Variants in TMEM144 observed in about 807,000 individuals in gnomAD.
TMEM144 encodes the protein transmembrane protein 144.
TMEM144 carries 39 observed loss-of-function variants against 43.6 expected under a neutral mutation model. That is an observed-to-expected ratio of 0.90 (90% confidence interval 0.69 to 1.17). The LOEUF is 1.17. Among genes scored for constraint, TMEM144 ranks in the 50% most tolerant of loss-of-function variants. The pLI is 0.00. For synonymous variants in TMEM144, 154 were observed against 133.6 expected, an observed-to-expected ratio of 1.15 and a Z score of -1.06; for missense variants, 417 against 411.9, an observed-to-expected ratio of 1.01 and a Z score of -0.11.
intron 12 of TMEM144, among the ~76,000 whole-genome samples, chr4:158,251,777 C>A (rs890901811): frequency 6.6e-6 from 1 of 152,122 alleles, no homozygotes; most frequent in African/African-American, 2.4e-5. Context: ...ATATTCCACC[C>A]CTCGGCTAAA....
At chr4:158,228,919 A>G (rs982582124) in intron 6 of TMEM144, among the ~76,000 whole-genome samples, 1 of 152,070 alleles carries the variant, frequency 6.6e-6, no homozygotes, top group East Asian at 1.9e-4. Context: ...GGTCCGCGTG[A>G]GAGGGTCGTG....
chr4:158,253,766 G>A lies in TMEM144; in HGVS notation c.*239G>A. Reference sequence around the variant, plus strand: ...GTTTATGAAGGTAGTACTTTACTGGGTGACTAAAATGTCTACATTATTATA... The same window carrying A: ...GTTTATGAAGGTAGTACTTTACTGGATGACTAAAATGTCTACATTATTATA... On this transcript the variant is annotated 3_prime_UTR_variant, in exon 13 of 13. Transcript: ENST00000296529. 2 of 477,026 alleles carry A rather than the reference G, an allele frequency of 4.2e-6. No homozygotes were observed. The highest frequency in any genetic ancestry group is 7.6e-6 in the Non-Finnish European group (2 of 263,924). 29.5% of individuals were successfully genotyped at this position (477,026 alleles called of 1,614,324 possible). A position where few individuals can be genotyped will look rare whatever the true frequency, so the allele number is the denominator to read the frequency against.
chr4:158,227,479 T>A (rs1187152519), intron 6 of TMEM144, among the ~76,000 whole-genome samples: 1 of 152,188 alleles, frequency 6.6e-6, no homozygotes, highest in African/African-American at 2.4e-5. Flanking sequence ...GTTTTAAATT[T>A]ACTTTGGCTT....
intron 8 of TMEM144, 133 bp from the exon 9 acceptor site, chr4:158,237,391 CA>C (rs1335880587): frequency 1.9e-4 from 129 of 674,528 alleles, no homozygotes; most frequent in Non-Finnish European, 2.2e-4. Flanking sequence ...CCGCCAGTCA[CA>C]GAGCTTGAGA....
At chr4:158,242,092 T>C (rs996360312) in intron 11 of TMEM144, among the ~76,000 whole-genome samples, 3 of 152,196 alleles carry the variant, frequency 2.0e-5, no homozygotes, top group Non-Finnish European at 4.4e-5. Context: ...TCAAAGGAAA[T>C]AAACCACTGA....
chr4:158,233,204 C>G, intron 7 of TMEM144: 2 of 399,600 alleles, frequency 5.0e-6, no homozygotes, highest in Non-Finnish European at 9.1e-6. Flanking sequence ...TTTTGATTAA[C>G]AGATCTCTAC....
chr4:158,245,607 G>A (rs1308027532), intron 12 of TMEM144, among the ~76,000 whole-genome samples: 1 of 152,062 alleles, frequency 6.6e-6, no homozygotes, highest in African/African-American at 2.4e-5. Context: ...AATTTTGGGG[G>A]TGAGGGTCAT....
At chr4:158,249,650 A>G (rs1024341253) in intron 12 of TMEM144, among the ~76,000 whole-genome samples, 2 of 152,224 alleles carry the variant, frequency 1.3e-5, no homozygotes, top group Non-Finnish European at 2.9e-5. Context: ...GCGCTTAGCA[A>G]TGTATTCACG....
chr4:158,237,496 G>A (rs1463215241), intron 8 of TMEM144, 29 bp from the exon 9 acceptor site: 1 of 1,548,960 alleles, frequency 6.5e-7, no homozygotes, highest in South Asian at 1.1e-5. Flanking sequence ...TTTGAGCCAA[G>A]ATTAATAGTG....
At chr4:158,218,062 G>A (rs1734319993) in intron 5 of TMEM144, among the ~76,000 whole-genome samples, 3 of 152,152 alleles carry the variant, frequency 2.0e-5, no homozygotes, top group Admixed American at 6.6e-5. Context: ...AACCGCCTTC[G>A]AGAAAAAGTT....
rs145120424 is a variant in TMEM144 at position 158,252,012 on chromosome 4, A to G, written c.955-1432A>G. ...ATAAGGAAGCTTGAAACCATTCCAT[A>G]TGAAAAATGGTCAAAGAGCTAAAAT... is the stretch of plus-strand genomic sequence containing the variant. On this transcript the variant is annotated intron_variant, in intron 12 of 12. Coordinates refer to ENST00000296529, the MANE Select transcript of TMEM144 (RefSeq NM_018342.5). 5.1e-3 allele frequency among the ~76,000 whole-genome samples: 774 copies of G among 152,318 alleles called. 5 individuals carry two copies. The highest frequency in any genetic ancestry group is 0.017 in the African/African-American group (724 of 41,566).
At chr4:158,213,249 T>A in intron 3 of TMEM144, 1 of 158,826 alleles carries the variant, frequency 6.3e-6, no homozygotes, top group Non-Finnish European at 1.4e-5. Flanking sequence ...CGTACAATCT[T>A]CAAATATCGA....
chr4:158,213,410 A>C (rs548959029), intron 3 of TMEM144: 1 of 152,224 alleles, frequency 6.6e-6, no homozygotes, highest in Admixed American at 6.5e-5. Context: ...GTGTTTTTCA[A>C]TTAAAATGCC....
At chr4:158,228,981 TCA>T in intron 6 of TMEM144, among the ~76,000 whole-genome samples, 1 of 151,912 alleles carries the variant, frequency 6.6e-6, no homozygotes, top group South Asian at 2.1e-4. Context: ...GCACCGGTAA[TCA>T]GAACGAAACA....
chr4:158,218,726 C>G (rs1320333263), intron 5 of TMEM144, among the ~76,000 whole-genome samples: 1 of 152,116 alleles, frequency 6.6e-6, no homozygotes, highest in African/African-American at 2.4e-5. Flanking sequence ...CTTTTTCCTA[C>G]TTCTTTTTTA....
intron 3 of TMEM144, chr4:158,213,891 C>G (rs182681442): frequency 2.0e-5 from 3 of 152,278 alleles, no homozygotes; most frequent in African/African-American, 7.2e-5. Context: ...GGTAGAGGAT[C>G]TAGCTTTTTT....
At chr4:158,215,907 C>T (rs187763949) in intron 4 of TMEM144, among the ~76,000 whole-genome samples, 2 of 151,728 alleles carry the variant, frequency 1.3e-5, no homozygotes, top group African/African-American at 4.8e-5. Context: ...AAAGAGAATT[C>T]CAAGTATCAG....
intron 2 of TMEM144, 41 bp from the exon 3 acceptor site, chr4:158,212,567 A>G: frequency 1.2e-6 from 1 of 832,122 alleles, no homozygotes; most frequent in Non-Finnish European, 1.9e-6. Context: ...ATTTGGTCAC[A>G]GATTCACGTC....
intron 12 of TMEM144, 76 bp from the exon 13 acceptor site, chr4:158,253,368 C>A: frequency 3.9e-6 from 5 of 1,280,856 alleles, no homozygotes; most frequent in Non-Finnish European, 4.4e-6. Context: ...AGGTCCCTAG[C>A]AATCTTGAGA....
Sources: gnomAD v4.1 joint callset for allele counts (sites outside exome capture counted in the v4.1 genomes callset) on GRCh38, gnomAD v4.1.1 for gene constraint, MANE v1.5 for transcripts, NCBI Gene and HGNC (gene_info 2026-07-23, HGNC 2026-07-21) for gene names.